RHOBTB1: variants seen among roughly 807,000 people sequenced by gnomAD.
RHOBTB1 encodes the protein rho-related BTB domain-containing protein 1.
RHOBTB1 carries 40 observed loss-of-function variants against 71.6 expected under a neutral mutation model. The observed-to-expected ratio is 0.56, with a 90% CI of 0.43 to 0.73. RHOBTB1 has a LOEUF of 0.73. RHOBTB1 is among the 30% of genes least tolerant of loss of function. The pLI, the probability that RHOBTB1 is intolerant of heterozygous loss-of-function variation, is 0.00. For synonymous variants in RHOBTB1, 319 were observed against 334.9 expected, an observed-to-expected ratio of 0.95 and a Z score of 0.52; for missense variants, 797 against 894.0, an observed-to-expected ratio of 0.89 and a Z score of 1.38.
rs2084917058 is a variant in RHOBTB1, at chr10:60,941,815, G to C, written c.-22C>G. The C allele has an allele frequency of 6.6e-6, 1 of 152,446 alleles. No individual in the cohort carries two copies. The highest frequency in any genetic ancestry group is 6.6e-5 in the Admixed American group (1 of 15,258). 9.4% of individuals were successfully genotyped at this position (152,446 alleles called of 1,614,324 possible). ...ACAAAGACACTGACCTGGCTTGCTGGAAGTGAAGAACAGAACACTCTGCTC... is the reference window on the plus strand; with the variant it reads ...ACAAAGACACTGACCTGGCTTGCTGCAAGTGAAGAACAGAACACTCTGCTC... On this transcript the variant is annotated 5_prime_UTR_variant, in exon 2 of 11. Transcript: ENST00000337910.
At chr10:60,902,326 G>A (rs974419013) in intron 4 of RHOBTB1, among the ~76,000 whole-genome samples, 6 of 152,068 alleles carry the variant, frequency 3.9e-5, no homozygotes, top group Admixed American at 2.0e-4. Flanking sequence ...AGTCTAACAC[G>A]TATCTGTTTG....
At chr10:60,913,871 T>C (rs1033919196) in intron 2 of RHOBTB1, among the ~76,000 whole-genome samples, 5 of 152,178 alleles carry the variant, frequency 3.3e-5, no homozygotes, top group African/African-American at 1.2e-4. Flanking sequence ...TAAGTGGGTA[T>C]CATAAAAATA....
intron 4 of RHOBTB1, 124 bp from the exon 5 acceptor site, chr10:60,893,119 ACC>A: frequency 1.4e-6 from 1 of 702,036 alleles, no homozygotes; most frequent in Non-Finnish European, 2.3e-6. Flanking sequence ...AAAAAAAAAG[ACC>A]AGATATTAAA....
intron 4 of RHOBTB1, among the ~76,000 whole-genome samples, chr10:60,897,228 G>T (rs751272999): frequency 2.0e-5 from 3 of 152,320 alleles, no homozygotes; most frequent in Non-Finnish European, 4.4e-5. Context: ...AAATATAGCA[G>T]AGTTGGTGGG....
chr10:60,925,715 T>C (rs1372427822), intron 2 of RHOBTB1, among the ~76,000 whole-genome samples: 1 of 151,760 alleles, frequency 6.6e-6, no homozygotes, highest in Non-Finnish European at 1.5e-5. Flanking sequence ...AAATCACATA[T>C]AAAAAAGAGA....
intron 2 of RHOBTB1, among the ~76,000 whole-genome samples, chr10:60,982,190 C>T (rs1292911472): frequency 6.6e-6 from 1 of 152,134 alleles, no homozygotes; most frequent in Non-Finnish European, 1.5e-5. Flanking sequence ...ATCTATGTGC[C>T]TTCTAGACTA....
downstream of RHOBTB1, among the ~76,000 whole-genome samples, chr10:60,864,614 T>C (rs1268789429): frequency 6.6e-6 from 1 of 152,186 alleles, no homozygotes; most frequent in Non-Finnish European, 1.5e-5. Context: ...TTCTTTCTTT[T>C]TTTTTCTTTT....
chr10:60,884,467 G>A (rs1429836452), intron 7 of RHOBTB1, among the ~76,000 whole-genome samples: 1 of 152,134 alleles, frequency 6.6e-6, no homozygotes, highest in African/African-American at 2.4e-5. Context: ...CACTCCTAAA[G>A]TTAGAAGTGC....
chr10:60,943,523 G>C (rs940842348), intron 1 of RHOBTB1, among the ~76,000 whole-genome samples: 6 of 152,252 alleles, frequency 3.9e-5, no homozygotes, highest in African/African-American at 1.4e-4. Context: ...CTGTGGGCTG[G>C]CCAGTCAACT....
chr10:60,923,187 A>G (rs893559783), intron 2 of RHOBTB1, among the ~76,000 whole-genome samples: 1 of 152,202 alleles, frequency 6.6e-6, no homozygotes, highest in African/African-American at 2.4e-5. Flanking sequence ...CATATGACCT[A>G]TTAAAAACCT....
intron 6 of RHOBTB1, among the ~76,000 whole-genome samples, chr10:60,886,717 T>TC (rs142829911): frequency 0.023 from 3,161 of 137,340 alleles, 93 homozygotes; most frequent in African/African-American, 0.062. Flanking sequence ...TTAAGAGATG[T>TC]GGGGGGGGGT....
Position 60,911,510 on chromosome 10 carries a change from G to A in RHOBTB1, c.33C>T (p.Asn11=), listed in dbSNP as rs148542953. 5.6e-5 allele frequency: 91 copies of A among 1,614,060 alleles called. No homozygotes were observed. The highest frequency in any genetic ancestry group is 2.0e-4 in the African/African-American group (15 of 74,938). Residue 11 remains asparagine, a synonymous_variant, in exon 3 of 11, where the codon AAC becomes AAT. Transcript: ENST00000337910. ...CGACCACACATTTGATAGTTTCAAC[G>A]TTGGGTCTTTCGTAGTCCATGTCAG... MDADMDYERP[N]VETIKCVVVG... is the part of the protein sequence containing the mutation.
At chr10:60,911,094 A>C in intron 3 of RHOBTB1, 104 bp from the exon 4 acceptor site, 1 of 890,960 alleles carries the variant, frequency 1.1e-6, no homozygotes, top group Non-Finnish European at 1.8e-6. Context: ...CACTTGCATT[A>C]AGTTTCCTTA....
At chr10:60,972,736 G>A (rs1358314169) in intron 2 of RHOBTB1, among the ~76,000 whole-genome samples, 2 of 152,022 alleles carry the variant, frequency 1.3e-5, no homozygotes, top group South Asian at 2.1e-4. Context: ...GTGCTTCTAA[G>A]TATGATCATC....
chr10:60,960,769 C>A (rs555552769), intron 2 of RHOBTB1, among the ~76,000 whole-genome samples: 2 of 152,254 alleles, frequency 1.3e-5, no homozygotes, highest in East Asian at 1.9e-4. Flanking sequence ...TGGCCTGCAC[C>A]CTTTGATGTC....
At chr10:60,990,036 G>GC (rs2086804664) in intron 1 of RHOBTB1, among the ~76,000 whole-genome samples, 1 of 143,894 alleles carries the variant, frequency 6.9e-6, no homozygotes, top group Non-Finnish European at 1.5e-5. Flanking sequence ...AGGCTGGAGT[G>GC]CAGTGGCGCG....
chr10:60,928,220 G>C (rs929856899), intron 2 of RHOBTB1, among the ~76,000 whole-genome samples: 13 of 152,000 alleles, frequency 8.6e-5, no homozygotes, highest in Non-Finnish European at 1.8e-4. Context: ...CTGTTGCTGA[G>C]AATGCAAATT....
At chr10:60,968,392 T>C (rs766342377) in intron 2 of RHOBTB1, among the ~76,000 whole-genome samples, 3 of 152,146 alleles carry the variant, frequency 2.0e-5, no homozygotes, top group African/African-American at 2.4e-5. Flanking sequence ...TTCAATGTTT[T>C]AAAACAGGAG....
At chr10:60,893,673 T>C (rs1040452592) in intron 4 of RHOBTB1, among the ~76,000 whole-genome samples, 2 of 152,206 alleles carry the variant, frequency 1.3e-5, no homozygotes, top group African/African-American at 4.8e-5. Flanking sequence ...GAGAAAATAT[T>C]GGAAGCAGAT....
Sources: gnomAD v4.1 joint callset for allele counts (sites outside exome capture counted in the v4.1 genomes callset) on GRCh38, gnomAD v4.1.1 for gene constraint, MANE v1.5 for transcripts, NCBI Gene and HGNC (gene_info 2026-07-23, HGNC 2026-07-21) for gene names.